SMG6: variants seen among roughly 807,000 people sequenced by gnomAD.
The protein encoded by SMG6 is telomerase-binding protein EST1A.
In SMG6, 66 loss-of-function variants were observed where a neutral mutation model predicts 142.2. That is an observed-to-expected ratio of 0.46 (90% CI 0.38 to 0.57). The LOEUF is 0.57. Among genes scored for constraint, SMG6 ranks in the 20% least tolerant of loss-of-function variants. The pLI, the probability that SMG6 is intolerant of heterozygous loss-of-function variation, is 0.00. For synonymous variants in SMG6, 779 were observed against 702.4 expected (o/e 1.11, Z -1.72); for missense variants, 1,793 against 1,832.0 (o/e 0.98, Z 0.39).
chr17:2,292,613 T>C lies in SMG6; in HGVS notation c.2276A>G (p.Gln759Arg). Reference protein sequence around the residue: ...GKARSWYLKAQHIAPKNGRPY... With the variant: ...GKARSWYLKARHIAPKNGRPY... ...GCGCCCATTCTTGGGAGCAATGTGC[T>C]GGGCCTTCAGGTACCAACTAGAACA... is the stretch of plus-strand genomic sequence containing the variant. Residue 759 changes from glutamine to arginine, a missense_variant, in exon 6 of 19, where the codon CAG (glutamine) becomes CGG (arginine). Transcript: ENST00000263073. 6.2e-7 allele frequency: 1 copy of C among 1,610,628 alleles called. No individual in the cohort carries two copies. The highest frequency in any genetic ancestry group is 8.5e-7 in the Non-Finnish European group (1 of 1,178,964).
intron 13 of SMG6, among the ~76,000 whole-genome samples, chr17:2,105,284 AC>A (rs558638042): frequency 6.7e-6 from 1 of 149,302 alleles, no homozygotes; most frequent in Non-Finnish European, 1.5e-5. Flanking sequence ...GGTGGCTCAC[AC>A]CTGTAATCCC....
rs146454600 is a variant in SMG6, at chr17:2,260,668, T to C, written c.2662-15949A>G. Among the ~76,000 whole-genome samples the C allele has an allele frequency of 3.0e-3, 452 of 152,278 alleles. 4 individuals are homozygous for C. The highest frequency in any genetic ancestry group is 0.024 in the Middle Eastern group (7 of 294). On this transcript the variant is annotated intron_variant, in intron 8 of 18. Coordinates refer to ENST00000263073, the MANE Select transcript of SMG6 (RefSeq NM_017575.5). ...TTAAAATGCTCTGTCACTGCTATCA[T>C]TAAACGTATAGAAAAAAATTTGAGT... is the stretch of plus-strand genomic sequence containing the variant.
At chr17:2,236,962 C>A in intron 9 of SMG6, 2 of 492,564 alleles carry the variant, frequency 4.1e-6, no homozygotes, top group Non-Finnish European at 5.4e-6. Flanking sequence ...ATCAAAGTTT[C>A]TCTCTGAAAC....
At chr17:2,292,424 G>A (rs2075058093) in intron 6 of SMG6, 128 bp downstream of exon 6, 1 of 899,814 alleles carries the variant, frequency 1.1e-6, no homozygotes, top group Non-Finnish European at 1.8e-6. Context: ...AACAAAAGGA[G>A]TTTGAGGGGA....
At chr17:2,267,361 AT>A (rs5818851) in intron 8 of SMG6, among the ~76,000 whole-genome samples, 111 of 147,660 alleles carry the variant, frequency 7.5e-4, no homozygotes, top group Admixed American at 3.2e-3. Flanking sequence ...CACCTGGCTA[AT>A]TTTTTTTTTT....
chr17:2,287,344 T>C (rs900369201), intron 6 of SMG6, among the ~76,000 whole-genome samples: 3 of 152,160 alleles, frequency 2.0e-5, no homozygotes, highest in African/African-American at 7.2e-5. Context: ...AACCATAATG[T>C]GATATCACCT....
At chr17:2,302,145 C>T (rs564156044) in intron 1 of SMG6, among the ~76,000 whole-genome samples, 1 of 151,954 alleles carries the variant, frequency 6.6e-6, no homozygotes, top group African/African-American at 2.4e-5. Flanking sequence ...TCCAGCTACT[C>T]GGAAGGCTGA....
intron 13 of SMG6, among the ~76,000 whole-genome samples, chr17:2,142,834 G>A (rs2070526729): frequency 7.1e-6 from 1 of 140,228 alleles, no homozygotes; most frequent in Admixed American, 7.9e-5. Flanking sequence ...GTTGCGGTGA[G>A]CCAAGATTGC....
At chr17:2,209,780 G>A (rs919140804) in intron 10 of SMG6, among the ~76,000 whole-genome samples, 1 of 152,128 alleles carries the variant, frequency 6.6e-6, no homozygotes, top group Admixed American at 6.5e-5. Flanking sequence ...GATTACAGGC[G>A]TGAGGCACCG....
intron 8 of SMG6, among the ~76,000 whole-genome samples, chr17:2,258,640 G>A (rs1192699735): frequency 2.7e-5 from 4 of 148,430 alleles, no homozygotes; most frequent in African/African-American, 7.5e-5. Flanking sequence ...TTGTTTCTAC[G>A]AAAAAATAAT....
At chr17:2,082,507 T>C (rs2068452477) in intron 14 of SMG6, among the ~76,000 whole-genome samples, 1 of 152,192 alleles carries the variant, frequency 6.6e-6, no homozygotes, top group South Asian at 2.1e-4. Context: ...GACTCCAGCC[T>C]GGTGGTGTGA....
chr17:2,244,693 A>G lies in SMG6; in HGVS notation c.2688T>C (p.Phe896=), dbSNP rs1377567833. ...SDLNKRFILS[F]LHAHGKLFTR... The stretch of plus-strand genomic sequence containing the variant: ...TAAACAGCTTCCCATGGGCATGGAG[A>G]AAACTGAGGATGAACCTTTTGTTCA... Residue 896 remains phenylalanine (F), a synonymous_variant, in exon 9 of 19, where the codon TTT becomes TTC. Transcript: ENST00000263073. 1.9e-6 allele frequency: 3 copies of G among 1,614,094 alleles called. No individual in the cohort carries two copies. The highest frequency in any genetic ancestry group is 8.5e-7 in the Non-Finnish European group (1 of 1,179,908).
intron 10 of SMG6, among the ~76,000 whole-genome samples, chr17:2,218,010 A>C (rs765207329): frequency 7.2e-6 from 1 of 139,018 alleles, no homozygotes; most frequent in Non-Finnish European, 1.6e-5. Flanking sequence ...ACTCGGTCTC[A>C]AAAAACAAAA....
chr17:2,234,040 G>C (rs1043908318), intron 10 of SMG6, among the ~76,000 whole-genome samples: 1 of 152,188 alleles, frequency 6.6e-6, no homozygotes, highest in Non-Finnish European at 1.5e-5. Flanking sequence ...ACAATGAGGT[G>C]AGAGTCAGGA....
At chr17:2,196,472 T>TA (rs1161707513) in intron 10 of SMG6, among the ~76,000 whole-genome samples, 2 of 152,126 alleles carry the variant, frequency 1.3e-5, no homozygotes, top group Non-Finnish European at 2.9e-5. Context: ...TGGGGAGAGT[T>TA]ACCATGTTCA....
Position 2,159,876 on chromosome 17 carries a change from C to T in SMG6, c.3357+12782G>A, listed in dbSNP as rs546462326. Among the ~76,000 whole-genome samples the T allele has an allele frequency of 2.0e-5, 3 of 152,306 alleles. No individual in the cohort carries two copies. The South Asian group carries it at 6.2e-4, about 32-fold the overall frequency. The stretch of plus-strand genomic sequence containing the variant: ...TATAATGCCCAATATGGATGAATCT[C>T]AGACGTTATGCTGAGTGACAAAACA... On this transcript the variant is annotated intron_variant, in intron 13 of 18. Transcript: ENST00000263073.
intron 13 of SMG6, among the ~76,000 whole-genome samples, chr17:2,147,036 A>G: frequency 6.6e-6 from 1 of 152,212 alleles, no homozygotes; most frequent in Non-Finnish European, 1.5e-5. Flanking sequence ...TGCTTCAAAA[A>G]GAAAGAAAAT....
Position 2,244,743 on chromosome 17 carries a change from GA to G in SMG6, c.2662-25del. 4 of 1,600,100 alleles carry G rather than the reference GA, an allele frequency of 2.5e-6. 1 individual carries two copies. The highest frequency in any genetic ancestry group is 2.2e-5 in the East Asian group (1 of 44,826). On this transcript the variant is annotated intron_variant, in intron 8 of 18. Transcript: ENST00000263073. ...AGCTGCATGGGAAAAAGGGAGAGGA[GA>G]AAACAATTAAACTTTCCCCAGTTTC...
At chr17:2,300,764 A>T (rs1003929377) in intron 1 of SMG6, 100 bp from the exon 2 acceptor site, 2 of 1,119,998 alleles carry the variant, frequency 1.8e-6, no homozygotes, top group South Asian at 3.3e-5. Flanking sequence ...TAACAAAAAA[A>T]GTCGAGCAAG....
Sources: allele counts gnomAD v4.1 joint callset (sites outside exome capture counted in the v4.1 genomes callset), GRCh38; gene constraint gnomAD v4.1.1; transcripts MANE v1.5; gene names NCBI Gene and HGNC (gene_info 2026-07-23, HGNC 2026-07-21).